Variants in MYO1F observed in about 807,000 individuals in gnomAD.
The protein encoded by MYO1F is myosin IF, also known as unconventional myosin-If.
A neutral mutation model predicts 146.6 loss-of-function variants in MYO1F; 60 were observed. The ratio of observed to expected loss-of-function variants is 0.41; its 90% CI spans 0.33 to 0.51. MYO1F has a LOEUF of 0.51. Ranked by LOEUF, MYO1F falls within the 20% of genes least tolerant of loss-of-function variation. MYO1F has a pLI of 0.25. For missense variants in MYO1F, 1,274 were observed against 1,534.3 expected (o/e 0.83, Z 2.83); for synonymous variants, 602 against 602.1 (o/e 1.00, Z 0.00).
At chr19:8,560,353 T>A (rs1219224884) in intron 1 of MYO1F, among the ~76,000 whole-genome samples, 1 of 149,274 alleles carries the variant, frequency 6.7e-6, no homozygotes, top group African/African-American at 2.5e-5. Context: ...GGTGTGGGGG[T>A]GCGCGCCTGT....
chr19:8,538,931 G>A (rs888584143), intron 16 of MYO1F, among the ~76,000 whole-genome samples: 1 of 152,114 alleles, frequency 6.6e-6, no homozygotes, highest in East Asian at 1.9e-4. Flanking sequence ...ATGGGTAGTG[G>A]TGATGGTTGC....
intron 1 of MYO1F, among the ~76,000 whole-genome samples, chr19:8,574,645 CCTTT>C (rs150858195): frequency 1.6e-4 from 7 of 42,540 alleles, no homozygotes; most frequent in South Asian, 9.7e-4. Flanking sequence ...TTCTTTCTTT[CCTTT>C]CTTTCTCTTT....
chr19:8,537,853 G>A (rs966064860), intron 16 of MYO1F, among the ~76,000 whole-genome samples: 2 of 152,098 alleles, frequency 1.3e-5, no homozygotes, highest in African/African-American at 4.8e-5. Context: ...CTTAGCCTCC[G>A]GAGTAGCTAG....
Position 8,536,102 on chromosome 19 carries a change from T to C in MYO1F, c.2043+150A>G, listed in dbSNP as rs1972696018. On this transcript the variant is annotated intron_variant, in intron 19 of 27. Coordinates refer to ENST00000644032, the MANE Select transcript of MYO1F (RefSeq NM_012335.4). ...CTATCTCAGTTTCTCTGTCAATCCCTCTCTCTCAATCTGTTTCTCAATTTC... is the reference window on the plus strand; with the variant it reads ...CTATCTCAGTTTCTCTGTCAATCCCCCTCTCTCAATCTGTTTCTCAATTTC... 4 of 1,028,550 alleles carry C rather than the reference T, an allele frequency of 3.9e-6. No homozygotes were observed. The South Asian group carries it at 5.5e-5, about 14-fold the overall frequency. The allele number at this position is 1,028,550 out of a possible 1,614,324, so 63.7% of individuals were successfully genotyped here.
At chr19:8,565,963 G>A (rs2041994526) in intron 1 of MYO1F, among the ~76,000 whole-genome samples, 1 of 151,798 alleles carries the variant, frequency 6.6e-6, no homozygotes, top group Non-Finnish European at 1.5e-5. Flanking sequence ...ATAAAAATTA[G>A]CCAGGCATGG....
intron 1 of MYO1F, among the ~76,000 whole-genome samples, chr19:8,573,824 G>A (rs1162936057): frequency 1.3e-5 from 2 of 151,510 alleles, no homozygotes; most frequent in Non-Finnish European, 2.9e-5. Context: ...CACTCCAGCC[G>A]GGGTGACAGA....
chr19:8,532,358 G>A (rs1317786116), intron 19 of MYO1F, among the ~76,000 whole-genome samples: 1 of 152,094 alleles, frequency 6.6e-6, no homozygotes, highest in African/African-American at 2.4e-5. Flanking sequence ...ATTACAGCAA[G>A]TCAAAGTACA....
At chr19:8,550,950 G>T (rs923659107) in intron 8 of MYO1F, among the ~76,000 whole-genome samples, 31 of 152,136 alleles carry the variant, frequency 2.0e-4, no homozygotes, top group African/African-American at 7.5e-4. Flanking sequence ...GTATGATCTT[G>T]GCTCACTGCA....
chr19:8,560,863 C>T (rs981852850), intron 1 of MYO1F, among the ~76,000 whole-genome samples: 7 of 151,800 alleles, frequency 4.6e-5, no homozygotes, highest in South Asian at 2.1e-4. Context: ...CTCAGCCTCC[C>T]GAGTAGCTGG....
At position 8,522,179 on chromosome 19, in the gene MYO1F, C is replaced by T. The variant is rs555266935; in HGVS notation, c.3220+198G>A. On this transcript the variant is annotated intron_variant, in intron 27 of 27. Coordinates refer to ENST00000644032, the MANE Select transcript of MYO1F (RefSeq NM_012335.4). Reference sequence around the variant, plus strand: ...CTGGGACTACAGGCGCCCGCCACCACGCCCGGCTAATTTTTTGTATTTTTA... The same window carrying T: ...CTGGGACTACAGGCGCCCGCCACCATGCCCGGCTAATTTTTTGTATTTTTA... Among the ~76,000 whole-genome samples the T allele has an allele frequency of 3.3e-3, 509 of 152,196 alleles. 3 individuals carry two copies. The highest frequency in any genetic ancestry group is 0.011 in the African/African-American group (464 of 41,528).
intron 15 of MYO1F, chr19:8,540,243 G>A (rs977403256): frequency 1.2e-5 from 6 of 496,416 alleles, no homozygotes; most frequent in African/African-American, 9.7e-5. Context: ...GCATTGGTGC[G>A]ATGATAGGAA....
chr19:8,543,810 C>G (rs866757331), intron 14 of MYO1F, among the ~76,000 whole-genome samples: 3 of 10,094 alleles, frequency 3.0e-4, no homozygotes, highest in Admixed American at 9.8e-4. Context: ...GCTGGTGGTG[C>G]TGGTGGTGGT....
At chr19:8,538,096 C>T (rs965670142) in intron 16 of MYO1F, among the ~76,000 whole-genome samples, 12 of 149,764 alleles carry the variant, frequency 8.0e-5, no homozygotes, top group African/African-American at 2.7e-4. Context: ...CTCAGCCTTC[C>T]GAGTAGCTGC....
intron 1 of MYO1F, among the ~76,000 whole-genome samples, chr19:8,557,123 C>T (rs2145934532): frequency 6.6e-6 from 1 of 151,876 alleles, no homozygotes; most frequent in East Asian, 1.9e-4. Context: ...CCCATCTCTA[C>T]AAAAAATAGA....
At chr19:8,541,411 G>A (rs991268251) in intron 15 of MYO1F, among the ~76,000 whole-genome samples, 14 of 134,202 alleles carry the variant, frequency 1.0e-4, no homozygotes, top group African/African-American at 4.2e-4. Context: ...CTTTGTGTGT[G>A]TGTGTGTGTG....
chr19:8,522,184 G>A (rs1054399997), intron 27 of MYO1F, among the ~76,000 whole-genome samples, 193 bp downstream of exon 27: 12 of 152,162 alleles, frequency 7.9e-5, no homozygotes, highest in Non-Finnish European at 1.3e-4. Flanking sequence ...CACCACGCCC[G>A]GCTAATTTTT....
chr19:8,528,555 C>G (rs746935826), intron 21 of MYO1F, among the ~76,000 whole-genome samples: 1 of 152,032 alleles, frequency 6.6e-6, no homozygotes, highest in Non-Finnish European at 1.5e-5. Flanking sequence ...GAGCAAAACT[C>G]TGTCTCAAAA....
Position 8,544,408 on chromosome 19 carries a change from C to T in MYO1F, c.1413G>A (p.Thr471=), listed in dbSNP as rs201794765. Residue 471 remains threonine (T), a synonymous_variant, in exon 14 of 28, where the codon ACG becomes ACA. Transcript: ENST00000644032. ...LDDVCATMHA[T]GGGADQTLLQ... ...GCAGTGTCTGGTCTGCTCCCCCGCCCGTGGCGTGCATGGTGGCGCACACGT... is the reference window on the plus strand; with the variant it reads ...GCAGTGTCTGGTCTGCTCCCCCGCCTGTGGCGTGCATGGTGGCGCACACGT... The T allele has an allele frequency of 5.6e-5, 91 of 1,612,846 alleles. No homozygotes were observed. Among genetic ancestry groups the T allele is most frequent in the Non-Finnish European group, 7.1e-5 (84 of 1,179,842 alleles).
intron 14 of MYO1F, chr19:8,544,027 TGGC>T (rs1973215976): frequency 2.1e-6 from 1 of 473,340 alleles, no homozygotes; most frequent in Admixed American, 3.6e-5. Flanking sequence ...GCGGTGGCGG[TGGC>T]GGTGGCGGTG....
Sources: gnomAD v4.1 joint callset for allele counts (sites outside exome capture counted in the v4.1 genomes callset) on GRCh38, gnomAD v4.1.1 for gene constraint, MANE v1.5 for transcripts, NCBI Gene and HGNC (gene_info 2026-07-23, HGNC 2026-07-21) for gene names.